HRH1: variants seen among roughly 807,000 people sequenced by gnomAD.
HRH1 encodes histamine H1 receptor.
A neutral mutation model predicts 10.3 loss-of-function variants in HRH1; 6 were observed. The ratio of observed to expected loss-of-function variants is 0.58; its 90% CI spans 0.32 to 1.15. The LOEUF is 1.15. Among genes scored for constraint, HRH1 ranks in the 50% most tolerant of loss-of-function variants. The pLI, the probability that HRH1 is intolerant of heterozygous loss-of-function variation, is 0.05. For synonymous variants in HRH1, 242 were observed against 236.7 expected (o/e 1.02, Z -0.21); for missense variants, 514 against 615.3 (o/e 0.84, Z 1.74).
In HRH1 at chr3:11,180,322, G is replaced by A. The variant is rs76302361; in HGVS notation, c.-36+25768G>A. Among the ~76,000 whole-genome samples, 974 of 152,176 alleles carry A rather than the reference G, an allele frequency of 6.4e-3. 13 individuals carry two copies. Among genetic ancestry groups the A allele is most frequent in the African/African-American group, 0.022 (928 of 41,518 alleles). On this transcript the variant is annotated intron_variant, in intron 1 of 1. Transcript: ENST00000431010. ...CATGGAAGACAATTTTTCCACGGAC[G>A]GGGGTTGAAGGGGATGGTTTGAGGA...
At chr3:11,151,185 A>T (rs931834095), upstream of HRH1, among the ~76,000 whole-genome samples, 1 of 152,120 alleles carries the variant, frequency 6.6e-6, no homozygotes, top group Non-Finnish European at 1.5e-5. Context: ...CAACCCTGGG[A>T]TTTTTGCTGG....
chr3:11,175,803 G>A (rs528492675), intron 1 of HRH1, among the ~76,000 whole-genome samples: 1 of 152,222 alleles, frequency 6.6e-6, no homozygotes, highest in African/African-American at 2.4e-5. Flanking sequence ...AACCCATGGT[G>A]AGGCCCTGAA....
At chr3:11,209,800 A>G (rs899176957) in intron 1 of HRH1, among the ~76,000 whole-genome samples, 1 of 152,222 alleles carries the variant, frequency 6.6e-6, no homozygotes, top group African/African-American at 2.4e-5. Context: ...TCTATTTTAC[A>G]GAGGAGGGAG....
At chr3:11,162,335 A>G (rs1936942955) in intron 1 of HRH1, among the ~76,000 whole-genome samples, 1 of 151,962 alleles carries the variant, frequency 6.6e-6, no homozygotes, top group Non-Finnish European at 1.5e-5. Flanking sequence ...ATGGGCAAGA[A>G]GCATTTTCCT....
intron 1 of HRH1, among the ~76,000 whole-genome samples, chr3:11,138,704 ATT>A (rs35194961): frequency 0.13 from 17,743 of 139,246 alleles, 1,857 homozygotes; most frequent in African/African-American, 0.33. Flanking sequence ...TCATAGCTGA[ATT>A]TTTTTTTTTT....
chr3:11,257,299 T>C (rs1475338003), intron 1 of HRH1, among the ~76,000 whole-genome samples: 1 of 149,150 alleles, frequency 6.7e-6, no homozygotes, highest in East Asian at 2.0e-4. Flanking sequence ...CTCATGCCTG[T>C]AATCCCAGCA....
chr3:11,212,537 G>A (rs1429019497), intron 1 of HRH1, among the ~76,000 whole-genome samples: 1 of 152,132 alleles, frequency 6.6e-6, no homozygotes, highest in Non-Finnish European at 1.5e-5. Context: ...CTGTGCTGTG[G>A]GAGCCTCAGA....
upstream of HRH1, among the ~76,000 whole-genome samples, chr3:11,153,056 GA>G (rs1936680134): frequency 6.6e-6 from 1 of 152,088 alleles, no homozygotes; most frequent in African/African-American, 2.4e-5. Context: ...GCCCTTTATA[GA>G]AATGGCATCA....
At chr3:11,224,446 C>T (rs577888813) in intron 1 of HRH1, among the ~76,000 whole-genome samples, 2 of 152,278 alleles carry the variant, frequency 1.3e-5, no homozygotes, top group African/African-American at 4.8e-5. Context: ...GCCTGTAATC[C>T]CAGCACTTTG....
chr3:11,215,688 G>A (rs1041823099), intron 1 of HRH1, among the ~76,000 whole-genome samples: 11 of 152,178 alleles, frequency 7.2e-5, no homozygotes, highest in African/African-American at 1.2e-4. Flanking sequence ...TGATCCGCCC[G>A]CCTCGGCCTC....
At chr3:11,227,242 G>A (rs1197772537) in intron 1 of HRH1, among the ~76,000 whole-genome samples, 1 of 151,886 alleles carries the variant, frequency 6.6e-6, no homozygotes, top group Non-Finnish European at 1.5e-5. Context: ...TGGAACCGTA[G>A]TGGTTGGGAA....
intron 1 of HRH1, among the ~76,000 whole-genome samples, chr3:11,220,851 G>C (rs1336584377): frequency 6.6e-6 from 1 of 151,988 alleles, no homozygotes; most frequent in African/African-American, 2.4e-5. Context: ...ATGATTTTAT[G>C]ATTGTTCTAT....
intron 1 of HRH1, among the ~76,000 whole-genome samples, chr3:11,192,065 A>G (rs771544072): frequency 6.6e-6 from 1 of 152,164 alleles, no homozygotes; most frequent in Non-Finnish European, 1.5e-5. Flanking sequence ...CTGGCCAGAC[A>G]TTGTCCACTG....
At chr3:11,167,386 C>T (rs1332056553) in intron 1 of HRH1, among the ~76,000 whole-genome samples, 2 of 13,794 alleles carry the variant, frequency 1.4e-4, no homozygotes, top group Non-Finnish European at 1.4e-4. Flanking sequence ...GTCCCCTGGC[C>T]TCTCCAGGCC....
Position 11,259,438 on chromosome 3 carries a change from G to A in HRH1, c.401G>A (p.Arg134Lys). 8 of 1,613,858 alleles carry A rather than the reference G, an allele frequency of 5.0e-6. No individual in the cohort carries two copies. The highest frequency in any genetic ancestry group is 6.8e-6 in the Non-Finnish European group (8 of 1,179,960). The change falls in exon 2 of 2, where the codon AGG (arginine) becomes AAG (lysine). Residue 134 changes from arginine (R) to lysine (K), a missense_variant. Coordinates refer to ENST00000431010, the MANE Select transcript of HRH1 (RefSeq NM_001098212.2). This position sits in a 1 kb window ranked among gnomAD's most constrained non-coding sequence, Gnocchi z 4.6. ...DRYRSVQQPL[R>K]YLKYRTKTRA... ...TACCGCTCTGTCCAGCAGCCCCTCA[G>A]GTACCTTAAGTATCGTACCAAGACC...
At chr3:11,250,247 G>C (rs1939612647) in intron 1 of HRH1, among the ~76,000 whole-genome samples, 2 of 143,726 alleles carry the variant, frequency 1.4e-5, no homozygotes, top group South Asian at 4.4e-4. Flanking sequence ...TTTTAGTGGA[G>C]ACGGGGTTTC....
upstream of HRH1, among the ~76,000 whole-genome samples, chr3:11,150,866 G>C (rs973253055): frequency 6.6e-6 from 1 of 152,186 alleles, no homozygotes; most frequent in Non-Finnish European, 1.5e-5. Flanking sequence ...TTTGGTTACC[G>C]AGCATCTACC....
intron 1 of HRH1, among the ~76,000 whole-genome samples, chr3:11,188,672 T>A (rs1421394696): frequency 2.0e-5 from 3 of 152,208 alleles, no homozygotes; most frequent in Non-Finnish European, 4.4e-5. Flanking sequence ...AATAAGTTAA[T>A]GGTTAAGTAA....
At chr3:11,243,706 C>G (rs775578748) in intron 1 of HRH1, among the ~76,000 whole-genome samples, 1 of 152,170 alleles carries the variant, frequency 6.6e-6, no homozygotes, top group Non-Finnish European at 1.5e-5. Context: ...CCTTAAATAC[C>G]TCTTTCTTCC....
Sources: allele counts gnomAD v4.1 joint callset (sites outside exome capture counted in the v4.1 genomes callset), GRCh38; gene constraint gnomAD v4.1.1; non-coding constraint Gnocchi (gnomAD v3.1); transcripts MANE v1.5; gene names NCBI Gene and HGNC (gene_info 2026-07-23, HGNC 2026-07-21).